The following REXO5 variants were observed in gnomAD, a reference collection of about 807,000 sequenced individuals.
REXO5 encodes the protein exonuclease NEF-sp.
A neutral mutation model predicts 88.5 loss-of-function variants in REXO5; 48 were observed. The observed-to-expected ratio is 0.54, with a 90% CI of 0.43 to 0.69. The LOEUF (loss-of-function observed/expected upper bound fraction) is 0.69. Among genes scored for constraint, REXO5 ranks in the 30% least tolerant of loss-of-function variants. The pLI, the probability that REXO5 is intolerant of heterozygous loss-of-function variation, is 0.00. For missense variants in REXO5, 749 were observed against 912.2 expected, an observed-to-expected ratio of 0.82 and a Z score of 2.30; for synonymous variants, 311 against 336.5, an observed-to-expected ratio of 0.92 and a Z score of 0.83.
rs758800057 is a variant in REXO5, at chr16:20,832,254, C to T, written c.1257C>T (p.Asn419=). Residue 419 remains asparagine, a synonymous_variant, in exon 12 of 20, where the codon AAC becomes AAT. Coordinates refer to ENST00000261377, the MANE Select transcript of REXO5 (RefSeq NM_030941.3). ...CAGCAGAAGTACTTCAGCACCCAAA[C>T]ACAAGGTAATATTTTCAGTTTGAAA... ...KNTAEVLQHP[N]TSVLECLDSV... 1 of 1,599,940 alleles carries T rather than the reference C, an allele frequency of 6.3e-7. No individual in the cohort carries two copies. The highest frequency in any genetic ancestry group is 1.1e-5 in the South Asian group (1 of 89,630).
At chr16:20,845,956 C>T (rs978791706) in intron 18 of REXO5, among the ~76,000 whole-genome samples, 3 of 152,142 alleles carry the variant, frequency 2.0e-5, no homozygotes, top group Non-Finnish European at 4.4e-5. Flanking sequence ...CAATGTGGCT[C>T]CCCTAGCTTG....
chr16:20,808,061 T>C (rs1196174290), intron 2 of REXO5, among the ~76,000 whole-genome samples: 2 of 152,148 alleles, frequency 1.3e-5, no homozygotes, highest in Non-Finnish European at 1.5e-5. Flanking sequence ...TGAGCCCTAT[T>C]GTGAACTTTG....
intron 6 of REXO5, among the ~76,000 whole-genome samples, chr16:20,822,148 T>G (rs1373879779): frequency 6.6e-6 from 1 of 152,226 alleles, no homozygotes; most frequent in Non-Finnish European, 1.5e-5. Context: ...TGAAATAATA[T>G]TTAATAAGAA....
Position 20,806,554 on chromosome 16 carries a change from G to T in REXO5, c.-154G>T, listed in dbSNP as rs757403909. Reference sequence around the variant, plus strand: ...TGTTGGCAGCTGTGGCTAAGGAGGGGAGAACCTCTGCTCCCCGCCCGTCTT... The same window carrying T: ...TGTTGGCAGCTGTGGCTAAGGAGGGTAGAACCTCTGCTCCCCGCCCGTCTT... On this transcript the variant is annotated 5_prime_UTR_variant, in exon 1 of 20. Coordinates refer to ENST00000261377, the MANE Select transcript of REXO5 (RefSeq NM_030941.3). 97 of 1,505,228 alleles carry T rather than the reference G, an allele frequency of 6.4e-5. No homozygotes were observed. Among genetic ancestry groups the T allele is most frequent in the Non-Finnish European group, 8.0e-5 (90 of 1,127,614 alleles). The allele number at this position is 1,505,228 out of a possible 1,614,324, so 93.2% of individuals were successfully genotyped here.
At chr16:20,828,817 C>T (rs2081297370) in intron 11 of REXO5, among the ~76,000 whole-genome samples, 1 of 152,038 alleles carries the variant, frequency 6.6e-6, no homozygotes, top group Non-Finnish European at 1.5e-5. Flanking sequence ...GTCCCAGCTA[C>T]TCCAGAGGCT....
At position 20,844,664 on chromosome 16, in the gene REXO5, T is replaced by A. The variant is rs1382525508; in HGVS notation, c.1755T>A (p.Cys585Ter). 6.2e-7 allele frequency: 1 copy of A among 1,614,048 alleles called. No individual in the cohort carries two copies. The highest frequency in any genetic ancestry group is 1.3e-5 in the African/African-American group (1 of 74,928). ...CTGTGACAGAGCTCACGCTTGATTG[T>A]GACACCCTCGTGAATGAGCTGGAAG... ...QRPVTELTLDCDTLVNELEGD... is the reference protein window; with the variant it reads ...QRPVTELTLD Residue 585 changes from cysteine to a stop codon, truncating the protein, a stop_gained, in exon 17 of 20, where the codon TGT becomes TGA. Coordinates refer to ENST00000261377, the MANE Select transcript of REXO5 (RefSeq NM_030941.3). LOFTEE classifies it high-confidence loss of function.
At chr16:20,844,230 G>T (rs148573345) in intron 16 of REXO5, among the ~76,000 whole-genome samples, 29 of 152,244 alleles carry the variant, frequency 1.9e-4, no homozygotes, top group African/African-American at 6.5e-4. Flanking sequence ...AATCATCCTG[G>T]GCTAGATTTG....
chr16:20,818,571 C>T (rs555364579), intron 5 of REXO5, among the ~76,000 whole-genome samples: 25 of 152,254 alleles, frequency 1.6e-4, no homozygotes, highest in Admixed American at 3.3e-4. Context: ...TGGGTTCAAG[C>T]GATTTTTGTG....
At chr16:20,820,515 TATA>T (rs2081154568) in intron 5 of REXO5, among the ~76,000 whole-genome samples, 1 of 1,342 alleles carries the variant, frequency 7.5e-4, no homozygotes, top group East Asian at 0.016. Flanking sequence ...TCTCTCTTTA[TATA>T]TATATATATA....
chr16:20,839,737 C>T lies in REXO5; in HGVS notation c.1384-18C>T. 1 of 1,566,634 alleles carries T rather than the reference C, an allele frequency of 6.4e-7. No individual in the cohort carries two copies. Among genetic ancestry groups the T allele is most frequent in the African/African-American group, 1.4e-5 (1 of 73,890 alleles). ...GTATGAGGTTCCTACCTTATCCAGG[C>T]TGTGCTGTTCTCTACAGGTTCTTGA... is the stretch of plus-strand genomic sequence containing the variant. On this transcript the variant is annotated intron_variant, in intron 13 of 19. Transcript: ENST00000261377.
intron 8 of REXO5, among the ~76,000 whole-genome samples, chr16:20,826,511 A>T (rs2081262662): frequency 6.6e-6 from 1 of 152,226 alleles, no homozygotes; most frequent in Admixed American, 6.5e-5. Context: ...TTAGGGACAG[A>T]GAGGCAATGA....
At chr16:20,820,764 A>G (rs974049871) in intron 5 of REXO5, among the ~76,000 whole-genome samples, 31 of 151,082 alleles carry the variant, frequency 2.1e-4, no homozygotes, top group Non-Finnish European at 3.7e-4. Context: ...GGGTTTCACC[A>G]TGTTGGCCAG....
At chr16:20,816,926 A>G (rs1172222177) in intron 5 of REXO5, among the ~76,000 whole-genome samples, 6 of 152,236 alleles carry the variant, frequency 3.9e-5, no homozygotes, top group Non-Finnish European at 4.4e-5. Flanking sequence ...AGGTTTAGAT[A>G]CTAGCCAGCT....
At chr16:20,820,538 ATATATATTTTTTTTTTTTTTTTTTT>A (rs2081164426) in intron 5 of REXO5, among the ~76,000 whole-genome samples, 1 of 10,618 alleles carries the variant, frequency 9.4e-5, no homozygotes, top group Non-Finnish European at 1.6e-4. Context: ...ATATATATAT[ATATATATTTTTTTTTTTTTTTTTTT>A]TTTTTTTTTT....
At position 20,814,955 on chromosome 16, in the gene REXO5, C is replaced by T; in HGVS notation, c.280C>T (p.Leu94=). Residue 94 remains leucine, a synonymous_variant, in exon 4 of 20, where the codon CTA becomes TTA. Coordinates refer to ENST00000261377, the MANE Select transcript of REXO5 (RefSeq NM_030941.3). ...SWCQLFHQNH[L]NNVVVFVLQG... The stretch of plus-strand genomic sequence containing the variant: ...GTGCCAGCTTTTTCATCAAAACCAC[C>T]TAAACAACGTAGTGGTTTTTGTTCT... 1 of 1,613,288 alleles carries T rather than the reference C, an allele frequency of 6.2e-7. No individual in the cohort carries two copies. Among genetic ancestry groups the T allele is most frequent in the Non-Finnish European group, 8.5e-7 (1 of 1,179,706 alleles).
chr16:20,818,262 A>G (rs1258828335), intron 5 of REXO5, among the ~76,000 whole-genome samples: 1 of 152,104 alleles, frequency 6.6e-6, no homozygotes, highest in Non-Finnish European at 1.5e-5. Flanking sequence ...CATATTTCCA[A>G]CTATAAGTTA....
At chr16:20,807,121 C>T (rs1183436007) in intron 2 of REXO5, 30 bp downstream of exon 2, 5 of 1,581,730 alleles carry the variant, frequency 3.2e-6, no homozygotes, top group Non-Finnish European at 4.3e-6. Context: ...AGCAGGCGGC[C>T]CTAGGCGGTT....
At chr16:20,807,305 G>A in intron 2 of REXO5, 1 of 601,020 alleles carries the variant, frequency 1.7e-6, no homozygotes, top group South Asian at 2.2e-5. Flanking sequence ...TCGGCCGAGT[G>A]CGGTGGCTCA....
intron 13 of REXO5, among the ~76,000 whole-genome samples, chr16:20,836,228 C>G (rs549088019): frequency 6.6e-6 from 1 of 152,228 alleles, no homozygotes; most frequent in Admixed American, 6.5e-5. Flanking sequence ...TGTATAGTGA[C>G]ATATATCTAC....
Sources: allele counts gnomAD v4.1 joint callset (sites outside exome capture counted in the v4.1 genomes callset), GRCh38; gene constraint gnomAD v4.1.1; transcripts MANE v1.5; gene names NCBI Gene and HGNC (gene_info 2026-07-23, HGNC 2026-07-21).